Variants in DCC observed in about 807,000 individuals in gnomAD.
The protein encoded by DCC is netrin receptor DCC.
In DCC, 58 loss-of-function variants were observed where a neutral mutation model predicts 172.5. The observed-to-expected ratio is 0.34, with a 90% CI of 0.27 to 0.42. The LOEUF is 0.42. Among genes scored for constraint, DCC ranks in the 10% least tolerant of loss-of-function variants. The pLI, the probability that DCC is intolerant of heterozygous loss-of-function variation, is 1.00. For synonymous variants in DCC, 709 were observed against 644.5 expected (o/e 1.10, Z -1.52); for missense variants, 1,740 against 1,791.0 (o/e 0.97, Z 0.51).
chr18:52,899,704 C>A (rs2039783220), intron 2 of DCC, among the ~76,000 whole-genome samples: 1 of 151,726 alleles, frequency 6.6e-6, no homozygotes, highest in Admixed American at 6.6e-5. Context: ...CTATCGTGAC[C>A]AAGTTGGTCT....
chr18:52,884,759 T>C (rs1284431559), intron 2 of DCC, among the ~76,000 whole-genome samples: 2 of 152,214 alleles, frequency 1.3e-5, no homozygotes, highest in African/African-American at 4.8e-5. Flanking sequence ...TGATTACAGA[T>C]GTTCATCAAT....
chr18:52,833,707 T>G (rs1212427744), intron 2 of DCC, among the ~76,000 whole-genome samples: 1 of 152,186 alleles, frequency 6.6e-6, no homozygotes, highest in Admixed American at 6.5e-5. Flanking sequence ...TCAAACTGTT[T>G]AAAAACTTTA....
chr18:52,730,523 T>G (rs2036622388), intron 1 of DCC, among the ~76,000 whole-genome samples: 1 of 152,198 alleles, frequency 6.6e-6, no homozygotes, highest in Admixed American at 6.5e-5. Context: ...GTATGTGAAC[T>G]ATTGCAGATG....
chr18:52,724,078 CT>C (rs2036515662), intron 1 of DCC, among the ~76,000 whole-genome samples: 1 of 152,202 alleles, frequency 6.6e-6, no homozygotes, highest in African/African-American at 2.4e-5. Context: ...CCATCCATCA[CT>C]TTCACCACCA....
chr18:53,038,669 A>G (rs1599055130), intron 5 of DCC, among the ~76,000 whole-genome samples: 1 of 71,124 alleles, frequency 1.4e-5, no homozygotes, highest in Non-Finnish European at 4.2e-5. Flanking sequence ...CATGACCACT[A>G]AGTGTTTATA....
intron 4 of DCC, among the ~76,000 whole-genome samples, chr18:52,924,849 T>G (rs1163480908): frequency 6.6e-6 from 1 of 152,024 alleles, no homozygotes; most frequent in African/African-American, 2.4e-5. Flanking sequence ...CAAATATGGT[T>G]TTGTACAAAG....
At chr18:52,529,837 T>C (rs2032094760) in intron 1 of DCC, among the ~76,000 whole-genome samples, 1 of 152,224 alleles carries the variant, frequency 6.6e-6, no homozygotes, top group African/African-American at 2.4e-5. Context: ...GATGATAATG[T>C]CTGCTCCAGG....
chr18:53,157,628 T>G, intron 8 of DCC, 116 bp downstream of exon 8: 5 of 1,014,548 alleles, frequency 4.9e-6, no homozygotes, highest in Non-Finnish European at 7.5e-6. Flanking sequence ...GTGAAATCTC[T>G]ACTATGTCCT....
chr18:52,985,543 C>A (rs2041279334), intron 5 of DCC, among the ~76,000 whole-genome samples: 1 of 152,074 alleles, frequency 6.6e-6, no homozygotes, highest in African/African-American at 2.4e-5. Context: ...AGGTATGGGT[C>A]TTGCTGGCCA....
chr18:52,742,764 A>G (rs1315142946), intron 1 of DCC, among the ~76,000 whole-genome samples: 2 of 152,094 alleles, frequency 1.3e-5, no homozygotes, highest in African/African-American at 2.4e-5. Context: ...GAACTATGAC[A>G]TGTAGTATGA....
intron 12 of DCC, among the ~76,000 whole-genome samples, chr18:53,279,180 T>C (rs2056839359): frequency 6.6e-6 from 1 of 152,178 alleles, no homozygotes; most frequent in Non-Finnish European, 1.5e-5. Flanking sequence ...GAACATTTTT[T>C]CATGTGCACA....
chr18:53,446,889 TGTA>T (rs1325524277), intron 22 of DCC, among the ~76,000 whole-genome samples: 1 of 152,200 alleles, frequency 6.6e-6, no homozygotes, highest in Non-Finnish European at 1.5e-5. Flanking sequence ...GGTCCCCAAA[TGTA>T]GTGCTGAAGT....
intron 2 of DCC, among the ~76,000 whole-genome samples, chr18:52,894,875 AAATTTT>A (rs2039705928): frequency 6.6e-6 from 1 of 152,208 alleles, no homozygotes; most frequent in African/African-American, 2.4e-5. Flanking sequence ...CTATTGATTT[AAATTTT>A]AATTTTATCT....
chr18:53,352,985 A>G (rs189905269), intron 15 of DCC, among the ~76,000 whole-genome samples: 3 of 152,210 alleles, frequency 2.0e-5, no homozygotes, highest in Admixed American at 6.5e-5. Context: ...AGTAAATACT[A>G]TACCACTTAA....
intron 2 of DCC, among the ~76,000 whole-genome samples, chr18:52,811,155 C>T (rs1241159065): frequency 6.6e-6 from 1 of 152,174 alleles, no homozygotes; most frequent in Non-Finnish European, 1.5e-5. Flanking sequence ...GACCCCTTCA[C>T]CACAAAGGAT....
At chr18:52,485,043 T>C (rs1322305165) in intron 1 of DCC, among the ~76,000 whole-genome samples, 1 of 152,132 alleles carries the variant, frequency 6.6e-6, no homozygotes, top group Admixed American at 6.6e-5. Context: ...TTTTGTCTTC[T>C]TGCCTTTAAG....
chr18:53,097,247 T>C (rs923681952), intron 7 of DCC, among the ~76,000 whole-genome samples: 9 of 152,176 alleles, frequency 5.9e-5, no homozygotes, highest in Non-Finnish European at 1.3e-4. Flanking sequence ...CATTGAAAGG[T>C]GTAAATTGAG....
intron 1 of DCC, among the ~76,000 whole-genome samples, chr18:52,723,038 T>C (rs2036497128): frequency 6.6e-6 from 1 of 152,196 alleles, no homozygotes; most frequent in Admixed American, 6.5e-5. Context: ...TCTATTGTCC[T>C]CTAGCTTCCA....
chr18:53,323,810 A>C (rs1599024789), intron 14 of DCC, among the ~76,000 whole-genome samples: 1 of 152,148 alleles, frequency 6.6e-6, no homozygotes, highest in African/African-American at 2.4e-5. Flanking sequence ...TTGGCGATTG[A>C]GGGGAAGGAA....
Sources: allele counts gnomAD v4.1 joint callset (sites outside exome capture counted in the v4.1 genomes callset), GRCh38; gene constraint gnomAD v4.1.1; transcripts MANE v1.5; gene names NCBI Gene and HGNC (gene_info 2026-07-23, HGNC 2026-07-21).